LHFPL3: variants seen among roughly 807,000 people sequenced by gnomAD.
The protein encoded by LHFPL3 is LHFPL tetraspan subfamily member 3, also known as LHFPL tetraspan subfamily member 3 protein.
Under a neutral mutation model 19.3 loss-of-function variants are expected in LHFPL3, and 5 were observed. The ratio of observed to expected loss-of-function variants is 0.26; its 90% CI spans 0.14 to 0.54. The LOEUF (loss-of-function observed/expected upper bound fraction) is 0.54, where lower values mean the gene tolerates loss of function less well. Ranked by LOEUF, LHFPL3 falls within the 20% of genes least tolerant of loss-of-function variation. LHFPL3 has a pLI of 0.94. For synonymous variants in LHFPL3, 133 were observed against 126.2 expected, an observed-to-expected ratio of 1.05 and a Z score of -0.36; for missense variants, 249 against 307.4, an observed-to-expected ratio of 0.81 and a Z score of 1.42.
At chr7:104,674,560 A>C (rs988263730) in intron 1 of LHFPL3, among the ~76,000 whole-genome samples, 1 of 151,676 alleles carries the variant, frequency 6.6e-6, no homozygotes, top group Non-Finnish European at 1.5e-5. Flanking sequence ...GTAGAGATGG[A>C]GTTTCACCAT....
intron 1 of LHFPL3, among the ~76,000 whole-genome samples, chr7:104,557,433 G>T (rs963761680): frequency 1.3e-5 from 2 of 152,138 alleles, no homozygotes; most frequent in Non-Finnish European, 2.9e-5. Context: ...AAAACCATCA[G>T]ATCTTGTGGG....
At chr7:104,746,873 G>A (rs141699850) in intron 2 of LHFPL3, among the ~76,000 whole-genome samples, 54 of 152,302 alleles carry the variant, frequency 3.5e-4, no homozygotes, top group African/African-American at 1.3e-3. Flanking sequence ...TTAACGGGGT[G>A]CATAGCCCAT....
intron 1 of LHFPL3, among the ~76,000 whole-genome samples, chr7:104,429,739 A>G (rs1401483385): frequency 1.3e-5 from 2 of 152,198 alleles, no homozygotes; most frequent in African/African-American, 2.4e-5. Context: ...TAGGATAATA[A>G]TAAGTAACAG....
chr7:104,566,591 C>T (rs946315869), intron 1 of LHFPL3, among the ~76,000 whole-genome samples: 1 of 152,040 alleles, frequency 6.6e-6, no homozygotes, highest in African/African-American at 2.4e-5. Context: ...GTTAGAAGCC[C>T]GTACCATGAG....
chr7:104,743,680 A>C (rs991104019), intron 2 of LHFPL3, among the ~76,000 whole-genome samples: 2 of 152,186 alleles, frequency 1.3e-5, no homozygotes, highest in African/African-American at 4.8e-5. Flanking sequence ...GTTTATCATT[A>C]TCCCCATTTT....
chr7:104,906,095 A>T, intron 2 of LHFPL3, 92 bp from the exon 3 acceptor site: 1 of 1,236,854 alleles, frequency 8.1e-7, no homozygotes, highest in Non-Finnish European at 1.2e-6. Context: ...TTTCCGTGAC[A>T]AATATTATGC....
intron 1 of LHFPL3, among the ~76,000 whole-genome samples, chr7:104,693,131 G>A (rs1228990506): frequency 6.6e-6 from 1 of 152,182 alleles, no homozygotes; most frequent in East Asian, 1.9e-4. Context: ...TGATTTGCAT[G>A]GGGACTGTAG....
chr7:104,417,881 CTTCT>C (rs1203086757), intron 1 of LHFPL3, among the ~76,000 whole-genome samples: 4,642 of 115,014 alleles, frequency 0.04, 68 homozygotes, highest in Middle Eastern at 0.062. Flanking sequence ...TCTTCTTCTT[CTTCT>C]TTTTTTTTTT....
chr7:104,626,908 G>GAT (rs1250613447), intron 1 of LHFPL3, among the ~76,000 whole-genome samples: 2 of 151,952 alleles, frequency 1.3e-5, no homozygotes, highest in East Asian at 1.9e-4. Context: ...ACAATGTTTT[G>GAT]ATATATATAG....
intron 1 of LHFPL3, among the ~76,000 whole-genome samples, chr7:104,662,407 G>A (rs1262399507): frequency 6.6e-6 from 1 of 152,102 alleles, no homozygotes; most frequent in Non-Finnish European, 1.5e-5. Flanking sequence ...ACCCAAGTAT[G>A]CAAGTGCTAT....
intron 2 of LHFPL3, among the ~76,000 whole-genome samples, chr7:104,754,815 A>G (rs762840105): frequency 3.5e-4 from 54 of 152,200 alleles, no homozygotes; most frequent in Non-Finnish European, 6.0e-4. Flanking sequence ...CATCTTTCCC[A>G]TAGGAATCTC....
intron 2 of LHFPL3, among the ~76,000 whole-genome samples, chr7:104,790,843 C>G (rs561388755): frequency 1.6e-4 from 24 of 152,288 alleles, no homozygotes; most frequent in Non-Finnish European, 2.6e-4. Context: ...ATACCTGCTT[C>G]CCAGGTTCAA....
intron 1 of LHFPL3, among the ~76,000 whole-genome samples, chr7:104,427,106 A>T (rs950524679): frequency 1.3e-5 from 2 of 152,192 alleles, no homozygotes; most frequent in Non-Finnish European, 2.9e-5. Context: ...TTCACAGTGT[A>T]TTTAGTACAG....
chr7:104,505,000 T>C (rs1793669219), intron 1 of LHFPL3, among the ~76,000 whole-genome samples: 1 of 148,588 alleles, frequency 6.7e-6, no homozygotes, highest in African/African-American at 2.5e-5. Flanking sequence ...TACACATATA[T>C]ACTATATACA....
At chr7:104,409,283 C>A (rs1459265830) in intron 1 of LHFPL3, among the ~76,000 whole-genome samples, 1 of 150,216 alleles carries the variant, frequency 6.7e-6, no homozygotes, top group African/African-American at 2.5e-5. Context: ...TCTTGAATTG[C>A]TAAAAACTTA....
At chr7:104,703,170 T>G (rs1241963339) in intron 1 of LHFPL3, among the ~76,000 whole-genome samples, 1 of 152,230 alleles carries the variant, frequency 6.6e-6, no homozygotes, top group African/African-American at 2.4e-5. Flanking sequence ...AAGCACAACT[T>G]TCATGAATTT....
chr7:104,867,202 C>A (rs1475086919), intron 2 of LHFPL3, among the ~76,000 whole-genome samples: 1 of 152,036 alleles, frequency 6.6e-6, no homozygotes, highest in East Asian at 1.9e-4. Context: ...CAAAAGCTAG[C>A]AGAAGGCAAG....
chr7:104,709,910 C>T (rs1396653048), intron 1 of LHFPL3, among the ~76,000 whole-genome samples: 3 of 151,834 alleles, frequency 2.0e-5, no homozygotes, highest in Non-Finnish European at 4.4e-5. Flanking sequence ...TCCTCACTTC[C>T]CAGACGGGGT....
intron 2 of LHFPL3, among the ~76,000 whole-genome samples, chr7:104,747,387 G>C (rs1794068173): frequency 1.3e-5 from 2 of 152,212 alleles, no homozygotes; most frequent in Admixed American, 1.3e-4. Flanking sequence ...AAGTAACGGA[G>C]GGAAGAGATT....
Sources: gnomAD v4.1 joint callset for allele counts (sites outside exome capture counted in the v4.1 genomes callset) on GRCh38, gnomAD v4.1.1 for gene constraint, MANE v1.5 for transcripts, NCBI Gene and HGNC (gene_info 2026-07-23, HGNC 2026-07-21) for gene names.